DDX25: variants seen among roughly 807,000 people sequenced by gnomAD.
DDX25 encodes the protein ATP-dependent RNA helicase DDX25.
In DDX25, 70 loss-of-function variants were observed where a neutral mutation model predicts 64.6. That is an observed-to-expected ratio of 1.08 (90% CI 0.89 to 1.32). DDX25 has a LOEUF of 1.32. DDX25 is among the 40% of genes most tolerant of loss of function. DDX25 has a pLI of 0.00. For synonymous variants in DDX25, 211 were observed against 213.3 expected, an observed-to-expected ratio of 0.99 and a Z score of 0.09; for missense variants, 587 against 604.4, an observed-to-expected ratio of 0.97 and a Z score of 0.30.
rs1445618242 is a variant in DDX25 at position 125,926,595 on chromosome 11, T to C, written c.*3714T>C. 1 of 151,028 alleles carries C rather than the reference T, an allele frequency of 6.6e-6. No homozygotes were observed. The highest frequency in any genetic ancestry group is 1.9e-4 in the East Asian group (1 of 5,142). 9.4% of individuals were successfully genotyped at this position (151,028 alleles called of 1,614,324 possible). On this transcript the variant is annotated 3_prime_UTR_variant, in exon 12 of 12. Transcript: ENST00000263576. ...TCTCACTGTGTTGCCCAGGCTGGAG[T>C]GCAGTGGCGTGATCTCGGCTCACTG...
chr11:125,917,847 G>C (rs939464002), intron 9 of DDX25, among the ~76,000 whole-genome samples: 1 of 151,942 alleles, frequency 6.6e-6, no homozygotes, highest in South Asian at 2.1e-4. Flanking sequence ...TTAAGCTTTG[G>C]GAGTTTTGTC....
In DDX25 at chr11:125,928,524, A is replaced by G. The variant is rs527561642; in HGVS notation, c.*5643A>G. 6.6e-6 allele frequency: 1 copy of G among 152,356 alleles called. No homozygotes were observed. The highest frequency in any genetic ancestry group is 2.4e-5 in the African/African-American group (1 of 41,588). 9.4% of individuals were successfully genotyped at this position (152,356 alleles called of 1,614,324 possible). ...AACTAGAAGCACTTTAACAGCATTT[A>G]ACAGATTTTGTTAGAGCTACATTGC... On this transcript the variant is annotated 3_prime_UTR_variant, in exon 12 of 12. Transcript: ENST00000263576.
Position 125,925,173 on chromosome 11 carries a change from C to T in DDX25, c.*2292C>T, listed in dbSNP as rs1437571526. 3.1e-6 allele frequency: 1 copy of T among 322,600 alleles called. No individual in the cohort carries two copies. Among genetic ancestry groups the T allele is most frequent in the Non-Finnish European group, 6.2e-6 (1 of 160,912 alleles). 20.0% of individuals were successfully genotyped at this position (322,600 alleles called of 1,614,324 possible). ...GGACCTTCCACCGTGCTCAGCTCCG[C>T]CTTGGGGTGTCCTAAATAAAACTTT... On this transcript the variant is annotated 3_prime_UTR_variant, in exon 12 of 12. Transcript: ENST00000263576.
chr11:125,911,339 GATT>G lies in DDX25; in HGVS notation c.654_656del (p.Ile220del). Reference sequence around the variant, plus strand: ...CCAGAGGCACCGACATCACTAAACAGATTATAATTGGCACTCCTGGGACTGTCC... The same window carrying G: ...CCAGAGGCACCGACATCACTAAACAGATAATTGGCACTCCTGGGACTGTCC... On this transcript the variant is annotated inframe_deletion, in exon 8 of 12. Coordinates refer to ENST00000263576, the MANE Select transcript of DDX25 (RefSeq NM_013264.5). 6.2e-7 allele frequency: 1 copy of G among 1,613,450 alleles called. No individual in the cohort carries two copies. The highest frequency in any genetic ancestry group is 8.5e-7 in the Non-Finnish European group (1 of 1,179,682).
intron 10 of DDX25, among the ~76,000 whole-genome samples, 171 bp downstream of exon 10, chr11:125,918,961 A>G (rs1945077023): frequency 6.6e-6 from 1 of 151,986 alleles, no homozygotes; most frequent in African/African-American, 2.4e-5. Context: ...TTTTCAGCCA[A>G]TCTCCCTTTC....
rs748613880 is a variant in DDX25, at chr11:125,917,000, C to T, written c.801-14C>T. The T allele has an allele frequency of 6.4e-6, 10 of 1,573,146 alleles. No individual in the cohort carries two copies. The highest frequency in any genetic ancestry group is 8.6e-6 in the Non-Finnish European group (10 of 1,157,910). On this transcript the variant is annotated splice_polypyrimidine_tract_variant and intron_variant, in intron 8 of 11. Coordinates refer to ENST00000263576, the MANE Select transcript of DDX25 (RefSeq NM_013264.5). ...GATGGCAGCTTGGTGACAGCCTTCTCTCCTCTATCACAGAGCTCTACCCTC... is the reference window on the plus strand; with the variant it reads ...GATGGCAGCTTGGTGACAGCCTTCTTTCCTCTATCACAGAGCTCTACCCTC...
chr11:125,921,417 T>G lies in DDX25; in HGVS notation c.1390+38T>G. ...ACCCTCACAATATGAACTACAGACC[T>G]GCCGGTCTGACAGTGATGATGTGTG... On this transcript the variant is annotated intron_variant, in intron 11 of 11. Coordinates refer to ENST00000263576, the MANE Select transcript of DDX25 (RefSeq NM_013264.5). This position sits in a 1 kb window ranked among gnomAD's most constrained non-coding sequence, Gnocchi z 4.1. The G allele has an allele frequency of 6.3e-7, 1 of 1,594,674 alleles. No individual in the cohort carries two copies. Among genetic ancestry groups the G allele is most frequent in the Non-Finnish European group, 8.6e-7 (1 of 1,168,104 alleles).
rs1366768591 is a variant in DDX25 at position 125,926,816 on chromosome 11, G to C, written c.*3935G>C. The C allele has an allele frequency of 6.6e-6, 1 of 152,262 alleles. No individual in the cohort carries two copies. The highest frequency in any genetic ancestry group is 1.5e-5 in the Non-Finnish European group (1 of 68,106). 9.4% of individuals were successfully genotyped at this position (152,262 alleles called of 1,614,324 possible). On this transcript the variant is annotated 3_prime_UTR_variant, in exon 12 of 12. Coordinates refer to ENST00000263576, the MANE Select transcript of DDX25 (RefSeq NM_013264.5). ...CACGCCTTGGCTTCCCAAAGTGCTG[G>C]GATTACAGGCATCAGCCACGGCGCC...
At position 125,925,083 on chromosome 11, in the gene DDX25, C is replaced by T. The variant is rs774306983; in HGVS notation, c.*2202C>T. The T allele has an allele frequency of 2.1e-4, 35 of 164,370 alleles. 1 individual carries two copies. Among genetic ancestry groups the T allele is most frequent in the Admixed American group, 9.2e-4 (15 of 16,344 alleles). 10.2% of individuals were successfully genotyped at this position (164,370 alleles called of 1,614,324 possible). Reference sequence around the variant, plus strand: ...AGTTTTGAACCCCAATTACATGGCACAGGATGAATGAGCATGAGAAGTGTA... The same window carrying T: ...AGTTTTGAACCCCAATTACATGGCATAGGATGAATGAGCATGAGAAGTGTA... On this transcript the variant is annotated 3_prime_UTR_variant, in exon 12 of 12. Coordinates refer to ENST00000263576, the MANE Select transcript of DDX25 (RefSeq NM_013264.5).
intron 1 of DDX25, chr11:125,904,865 C>A: frequency 1.8e-6 from 1 of 565,930 alleles, no homozygotes. Flanking sequence ...GTTTTCTACT[C>A]TGCCCATTTG....
chr11:125,918,455 G>A (rs1020669956), intron 9 of DDX25, among the ~76,000 whole-genome samples, 173 bp from the exon 10 acceptor site: 8 of 152,190 alleles, frequency 5.3e-5, no homozygotes, highest in African/African-American at 1.7e-4. Flanking sequence ...AAACACAGGC[G>A]GAGGGAGGAT....
intron 8 of DDX25, among the ~76,000 whole-genome samples, chr11:125,912,044 G>A (rs1001048000): frequency 1.8e-4 from 28 of 152,120 alleles, no homozygotes; most frequent in Non-Finnish European, 3.4e-4. Context: ...TCTGTATCAC[G>A]TATTTTTTAA....
intron 10 of DDX25, among the ~76,000 whole-genome samples, chr11:125,919,787 T>C (rs1047871565): frequency 4.6e-5 from 7 of 152,348 alleles, no homozygotes; most frequent in South Asian, 2.1e-4. Flanking sequence ...CTTGCCTCTC[T>C]ACACTGGCAC....
intron 10 of DDX25, among the ~76,000 whole-genome samples, chr11:125,919,342 C>T (rs977954920): frequency 7.9e-5 from 12 of 152,194 alleles, no homozygotes; most frequent in South Asian, 2.1e-4. Flanking sequence ...GATAGGTGTG[C>T]GTTTAGCTTT....
rs1473594203 is a variant in DDX25, at chr11:125,926,133, A to G, written c.*3252A>G. ...TAGATTAGAAAGAGAACCCCTGCAG[A>G]GACAGTCCAGCTGTTGGGATGGGCC... On this transcript the variant is annotated 3_prime_UTR_variant, in exon 12 of 12. Coordinates refer to ENST00000263576, the MANE Select transcript of DDX25 (RefSeq NM_013264.5). 6.6e-6 allele frequency: 1 copy of G among 152,494 alleles called. No individual in the cohort carries two copies. Among genetic ancestry groups the G allele is most frequent in the Non-Finnish European group, 1.5e-5 (1 of 68,310 alleles). 9.4% of individuals were successfully genotyped at this position (152,494 alleles called of 1,614,324 possible). A position where few individuals can be genotyped will look rare whatever the true frequency, so the allele number is the denominator to read the frequency against.
chr11:125,926,176 A>AC lies in DDX25; in HGVS notation c.*3297dup, dbSNP rs1210124839. Reference sequence around the variant, plus strand: ...GATGGGCCTGCACTTTGCTCTCTGAACCGGGGGGCATTACTATGTTCTCAC... The same window carrying AC: ...GATGGGCCTGCACTTTGCTCTCTGAACCCGGGGGGCATTACTATGTTCTCAC... On this transcript the variant is annotated 3_prime_UTR_variant, in exon 12 of 12. Coordinates refer to ENST00000263576, the MANE Select transcript of DDX25 (RefSeq NM_013264.5). 1 of 152,274 alleles carries AC rather than the reference A, an allele frequency of 6.6e-6. No individual in the cohort carries two copies. Among genetic ancestry groups the AC allele is most frequent in the East Asian group, 1.9e-4 (1 of 5,192 alleles). 9.4% of individuals were successfully genotyped at this position (152,274 alleles called of 1,614,324 possible).
chr11:125,910,226 C>A (rs1565464208), intron 6 of DDX25, 138 bp from the exon 7 acceptor site: 1 of 657,472 alleles, frequency 1.5e-6, no homozygotes, highest in Non-Finnish European at 2.7e-6. Context: ...AAACTGTATC[C>A]AATTAAAAAT....
chr11:125,918,053 A>AT (rs1945061831), intron 9 of DDX25, among the ~76,000 whole-genome samples: 1 of 151,514 alleles, frequency 6.6e-6, no homozygotes, highest in African/African-American at 2.4e-5. Flanking sequence ...TAATTTTTGT[A>AT]TTTTTTTAGT....
Position 125,906,300 on chromosome 11 carries a change from C to A in DDX25, c.311+91C>A, listed in dbSNP as rs1158859381. 8.0e-6 allele frequency: 11 copies of A among 1,367,570 alleles called. No individual in the cohort carries two copies. The South Asian group carries it at 1.8e-4, about 23-fold the overall frequency. The allele number at this position is 1,367,570 out of a possible 1,614,324, so 84.7% of individuals were successfully genotyped here. A position where few individuals can be genotyped will look rare whatever the true frequency, so the allele number is the denominator to read the frequency against. ...ATAGTAAAAACCATCAGGATCTCCT[C>A]TTTGTTTTCTGATATTCAATATTTT... is the stretch of plus-strand genomic sequence containing the variant. On this transcript the variant is annotated intron_variant, in intron 4 of 11. Transcript: ENST00000263576.
Sources: allele counts gnomAD v4.1 joint callset (sites outside exome capture counted in the v4.1 genomes callset), GRCh38; gene constraint gnomAD v4.1.1; non-coding constraint Gnocchi (gnomAD v3.1); transcripts MANE v1.5; gene names NCBI Gene and HGNC (gene_info 2026-07-23, HGNC 2026-07-21).